MITF: variants seen among roughly 807,000 people sequenced by gnomAD.
MITF encodes microphthalmia-associated transcription factor.
MITF carries 17 observed loss-of-function variants against 60.5 expected under a neutral mutation model. The observed-to-expected ratio is 0.28, with a 90% CI of 0.19 to 0.42. MITF has a LOEUF of 0.42. Ranked by LOEUF, MITF falls within the 10% of genes least tolerant of loss-of-function variation. The pLI, the probability that MITF is intolerant of heterozygous loss-of-function variation, is 1.00. For missense variants in MITF, 622 were observed against 683.5 expected (o/e 0.91, Z 1.00); for synonymous variants, 260 against 248.5 (o/e 1.05, Z -0.43).
intron 1 of MITF, among the ~76,000 whole-genome samples, chr3:69,761,539 G>C (rs1324246171): frequency 1.3e-5 from 2 of 152,172 alleles, no homozygotes; most frequent in African/African-American, 4.8e-5. Flanking sequence ...GAGTGATCAG[G>C]AGTGACAACT....
chr3:69,850,893 C>T (rs2063813303), intron 1 of MITF, among the ~76,000 whole-genome samples: 1 of 152,136 alleles, frequency 6.6e-6, no homozygotes, highest in Admixed American at 6.5e-5. Context: ...ATCTAAGTAG[C>T]CTGTTTCTTT....
intron 1 of MITF, among the ~76,000 whole-genome samples, chr3:69,874,237 G>T (rs1015398108): frequency 2.6e-5 from 4 of 152,178 alleles, no homozygotes; most frequent in African/African-American, 9.7e-5. Flanking sequence ...TGAGAGATTT[G>T]CAGAATAAAT....
At chr3:69,741,506 G>T (rs1703528232) in intron 1 of MITF, among the ~76,000 whole-genome samples, 1 of 152,120 alleles carries the variant, frequency 6.6e-6, no homozygotes, top group South Asian at 2.1e-4. Flanking sequence ...GCACGATTTG[G>T]GCCTGTTCTT....
intron 2 of MITF, among the ~76,000 whole-genome samples, chr3:69,931,551 A>C (rs924646605): frequency 1.3e-5 from 2 of 152,146 alleles, no homozygotes; most frequent in African/African-American, 4.8e-5. Flanking sequence ...AGTCTAGTCT[A>C]TTCTGTTTTA....
intron 5 of MITF, among the ~76,000 whole-genome samples, chr3:69,944,035 A>G (rs977244723): frequency 6.6e-6 from 1 of 152,166 alleles, no homozygotes; most frequent in Non-Finnish European, 1.5e-5. Context: ...TCAAGGATGC[A>G]ATGAATCATG....
At chr3:69,830,992 A>T (rs1199789467) in intron 1 of MITF, among the ~76,000 whole-genome samples, 1 of 152,110 alleles carries the variant, frequency 6.6e-6, no homozygotes, top group Non-Finnish European at 1.5e-5. Flanking sequence ...TGTGGATAAG[A>T]CCTTAGGCAA....
intron 1 of MITF, among the ~76,000 whole-genome samples, chr3:69,747,451 CT>C (rs1703767964): frequency 6.6e-6 from 1 of 152,198 alleles, no homozygotes; most frequent in Non-Finnish European, 1.5e-5. Context: ...GTTATCCAAC[CT>C]TTCTGAACTC....
At chr3:69,767,580 A>G (rs2062318900) in intron 1 of MITF, among the ~76,000 whole-genome samples, 1 of 152,096 alleles carries the variant, frequency 6.6e-6, no homozygotes, top group South Asian at 2.1e-4. Flanking sequence ...GCAAGACTCC[A>G]TCTCAAACAA....
chr3:69,855,279 A>C (rs1239230615), intron 1 of MITF, among the ~76,000 whole-genome samples: 5 of 127,668 alleles, frequency 3.9e-5, no homozygotes, highest in Non-Finnish European at 8.7e-5. Context: ...AAAAAAAAAA[A>C]CACTTAAAGA....
chr3:69,954,370 C>T (rs566202038), intron 7 of MITF, among the ~76,000 whole-genome samples: 10 of 152,242 alleles, frequency 6.6e-5, no homozygotes, highest in African/African-American at 2.4e-4. Context: ...GAAAGTTCCA[C>T]GTGGAGTCAA....
intron 1 of MITF, among the ~76,000 whole-genome samples, chr3:69,815,170 C>G (rs2063162049): frequency 6.6e-6 from 1 of 152,156 alleles, no homozygotes; most frequent in African/African-American, 2.4e-5. Context: ...GCAGAATATT[C>G]CAAGGGTTCA....
chr3:69,852,263 A>G (rs1005514658), intron 1 of MITF, among the ~76,000 whole-genome samples: 20 of 152,220 alleles, frequency 1.3e-4, no homozygotes, highest in African/African-American at 4.6e-4. Context: ...AGGAATTTTC[A>G]CCAGATAGCT....
chr3:69,908,525 T>C (rs1371568117), intron 2 of MITF, among the ~76,000 whole-genome samples: 1 of 152,206 alleles, frequency 6.6e-6, no homozygotes, highest in Admixed American at 6.5e-5. Flanking sequence ...AATGAAATCA[T>C]TATTCTTTAA....
chr3:69,951,812 C>A lies in MITF; in HGVS notation c.881C>A (p.Ala294Glu). Residue 294 changes from alanine to glutamate, a missense_variant and splice_region_variant, in exon 7 of 10, where the codon GCG becomes GAG. Around this residue, in one of 5 missense-constraint regions of MITF, gnomAD observed 215 missense variants for 224.8 expected, o/e 0.96. Coordinates refer to ENST00000352241, the MANE Select transcript of MITF (RefSeq NM_001354604.2). ...NLPNIKRELT[A>E]CIFPTESEAR... is the part of the protein sequence containing the mutation. ...CTAATGACTTCATTCACGTGCACAG[C>A]GTGTATTTTTCCCACAGAGTCTGAA... 1 of 1,612,600 alleles carries A rather than the reference C, an allele frequency of 6.2e-7. No individual in the cohort carries two copies. The highest frequency in any genetic ancestry group is 8.5e-7 in the Non-Finnish European group (1 of 1,178,918).
intron 1 of MITF, among the ~76,000 whole-genome samples, chr3:69,813,081 A>G (rs2063126316): frequency 6.6e-6 from 1 of 152,206 alleles, no homozygotes; most frequent in Non-Finnish European, 1.5e-5. Flanking sequence ...CAATTGGAAT[A>G]GAAAGGGTGT....
intron 1 of MITF, among the ~76,000 whole-genome samples, chr3:69,740,716 C>T (rs767556435): frequency 3.9e-5 from 6 of 152,172 alleles, no homozygotes; most frequent in African/African-American, 9.7e-5. Context: ...TTATTTCCAC[C>T]CCTCTAAGCT....
chr3:69,930,305 G>A (rs190816390), intron 2 of MITF, among the ~76,000 whole-genome samples: 5 of 152,254 alleles, frequency 3.3e-5, no homozygotes, highest in Admixed American at 6.5e-5. Flanking sequence ...TTAGAGGGGA[G>A]AAGAGGAGAA....
intron 1 of MITF, among the ~76,000 whole-genome samples, chr3:69,836,470 C>A (rs980408048): frequency 1.5e-4 from 23 of 152,158 alleles, no homozygotes; most frequent in Non-Finnish European, 2.9e-5. Flanking sequence ...CATCCAGCAA[C>A]CCTAGTACCT....
chr3:69,759,980 G>C (rs964938122), intron 1 of MITF, among the ~76,000 whole-genome samples: 1 of 152,048 alleles, frequency 6.6e-6, no homozygotes, highest in South Asian at 2.1e-4. Context: ...GGGTTTCACC[G>C]TGTTAGCCAG....
Sources: gnomAD v4.1 joint callset for allele counts (sites outside exome capture counted in the v4.1 genomes callset) on GRCh38, gnomAD v4.1.1 for gene constraint, gnomAD v4.1.1 regional missense constraint, MANE v1.5 for transcripts, NCBI Gene and HGNC (gene_info 2026-07-23, HGNC 2026-07-21) for gene names.